HDAC9: variants seen among roughly 807,000 people sequenced by gnomAD.
HDAC9 encodes the protein MEF-2 interacting transcription repressor (MITR) protein.
In HDAC9, 41 loss-of-function variants were observed where a neutral mutation model predicts 139.4. The ratio of observed to expected loss-of-function variants is 0.29; its 90% confidence interval spans 0.23 to 0.38. The LOEUF (loss-of-function observed/expected upper bound fraction) is 0.38, where lower values mean the gene tolerates loss of function less well. Ranked by LOEUF, HDAC9 falls within the 10% of genes least tolerant of loss-of-function variation. The pLI, the probability that HDAC9 is intolerant of heterozygous loss-of-function variation, is 1.00. For missense variants in HDAC9, 1,147 were observed against 1,297.0 expected, an observed-to-expected ratio of 0.88 and a Z score of 1.78; for synonymous variants, 517 against 476.2, an observed-to-expected ratio of 1.09 and a Z score of -1.12.
chr7:18,409,383 G>A (rs774167295), intron 1 of HDAC9, among the ~76,000 whole-genome samples: 73 of 152,026 alleles, frequency 4.8e-4, no homozygotes, highest in Non-Finnish European at 4.9e-4. Context: ...AGCTGATTAA[G>A]GAATCTTTAT....
rs1435233030 is a variant in HDAC9, at chr7:18,727,581, C to A, written c.1733C>A (p.Pro578His). 2 of 1,591,798 alleles carry A rather than the reference C, an allele frequency of 1.3e-6. No homozygotes were observed. Among genetic ancestry groups the A allele is most frequent in the African/African-American group, 2.7e-5 (2 of 74,246 alleles). Residue 578 changes from proline (P) to histidine (H), a missense_variant and splice_region_variant, in exon 13 of 26, where the codon CCT becomes CAT. By Grantham distance (77) the Pro-to-His change is moderately conservative. Coordinates refer to ENST00000686413, the MANE Select transcript of HDAC9 (RefSeq NM_178425.4). ...ACTGTGCTCTTTTCTTGGCAACAGC[C>A]TTTCCTGGAACCCACGCACACACGT... ...SGEQAAFMQQ[P>H]FLEPTHTRAL...
chr7:18,390,343 G>C (rs1160433730), intron 1 of HDAC9, among the ~76,000 whole-genome samples: 1 of 152,072 alleles, frequency 6.6e-6, no homozygotes, highest in Non-Finnish European at 1.5e-5. Context: ...AGGTTTTTCA[G>C]AATTATGGCT....
At chr7:18,615,256 T>C in intron 6 of HDAC9, among the ~76,000 whole-genome samples, 1 of 152,192 alleles carries the variant, frequency 6.6e-6, no homozygotes, top group East Asian at 1.9e-4. Flanking sequence ...GTTTAAACTG[T>C]TCCCCCTCCT....
At position 18,700,100 on chromosome 7, in the gene HDAC9, G is replaced by C. The variant is rs1485731332; in HGVS notation, c.1732-27480G>C. Among the ~76,000 whole-genome samples, 5 of 152,040 alleles carry C rather than the reference G, an allele frequency of 3.3e-5. No individual in the cohort carries two copies. In the East Asian group the frequency reaches 9.6e-4, roughly 29 times the overall value. On this transcript the variant is annotated intron_variant, in intron 12 of 25. Transcript: ENST00000686413. ...TAGAGTAACAGGCACACTTGTCCTG[G>C]CATTGGAAGCTACAAGAAGAAAAAA...
At chr7:18,610,576 AC>A (rs1478743780) in intron 6 of HDAC9, among the ~76,000 whole-genome samples, 1 of 152,160 alleles carries the variant, frequency 6.6e-6, no homozygotes, top group Non-Finnish European at 1.5e-5. Context: ...CTCTCAAATA[AC>A]CTGGACTAAG....
chr7:18,169,474 T>C (rs1436788068), intron 2 of HDAC9, among the ~76,000 whole-genome samples: 1 of 152,088 alleles, frequency 6.6e-6, no homozygotes, highest in Admixed American at 6.5e-5. Context: ...TTTTTTTAAA[T>C]TATACTTTAA....
intron 2 of HDAC9, among the ~76,000 whole-genome samples, chr7:18,265,869 A>G (rs1226167721): frequency 1.3e-5 from 2 of 152,204 alleles, no homozygotes; most frequent in Non-Finnish European, 2.9e-5. Flanking sequence ...AATATTGCTC[A>G]AAGAGGAAGA....
At chr7:18,979,645 A>G (rs1283394189) in intron 25 of HDAC9, among the ~76,000 whole-genome samples, 1 of 152,226 alleles carries the variant, frequency 6.6e-6, no homozygotes, top group African/African-American at 2.4e-5. Flanking sequence ...CAGGACTTTC[A>G]GGAAGCAAGT....
At chr7:18,716,585 A>T (rs1172369495) in intron 12 of HDAC9, among the ~76,000 whole-genome samples, 1 of 151,986 alleles carries the variant, frequency 6.6e-6, no homozygotes, top group East Asian at 1.9e-4. Context: ...CCAAATTAGT[A>T]ATTTATTTTC....
chr7:18,978,855 A>C (rs1313763279), intron 25 of HDAC9, among the ~76,000 whole-genome samples: 1 of 152,182 alleles, frequency 6.6e-6, no homozygotes, highest in Non-Finnish European at 1.5e-5. Context: ...AAGATTTGGA[A>C]AGGCAATCAA....
intron 2 of HDAC9, among the ~76,000 whole-genome samples, chr7:18,248,697 G>A (rs1281528220): frequency 6.6e-6 from 1 of 152,128 alleles, no homozygotes; most frequent in African/African-American, 2.4e-5. Context: ...TAGAGGATTG[G>A]TCTGTAAAAG....
chr7:18,403,180 T>G (rs1562955118), intron 1 of HDAC9, among the ~76,000 whole-genome samples: 1 of 152,204 alleles, frequency 6.6e-6, no homozygotes, highest in African/African-American at 2.4e-5. Flanking sequence ...ATTTCCCAGT[T>G]AAGTGTATAA....
intron 2 of HDAC9, among the ~76,000 whole-genome samples, chr7:18,540,686 G>A (rs939960447): frequency 6.6e-6 from 1 of 152,178 alleles, no homozygotes; most frequent in African/African-American, 2.4e-5. Flanking sequence ...AGCCTTGGAT[G>A]TATAAAGAAT....
chr7:18,742,945 CTT>C (rs1350547780), intron 13 of HDAC9, among the ~76,000 whole-genome samples: 1 of 152,088 alleles, frequency 6.6e-6, no homozygotes, highest in Non-Finnish European at 1.5e-5. Flanking sequence ...GGACCAGTGT[CTT>C]TTGACTTTTG....
At chr7:18,386,920 C>A (rs946614684) in intron 1 of HDAC9, among the ~76,000 whole-genome samples, 7 of 152,166 alleles carry the variant, frequency 4.6e-5, no homozygotes, top group Admixed American at 1.3e-4. Context: ...GGATTCTCTC[C>A]CTTCAGCTCT....
At chr7:18,616,962 C>G (rs1333854306) in intron 6 of HDAC9, among the ~76,000 whole-genome samples, 1 of 152,176 alleles carries the variant, frequency 6.6e-6, no homozygotes, top group Non-Finnish European at 1.5e-5. Context: ...GTACGTGCAT[C>G]TCTTTATTAA....
intron 1 of HDAC9, among the ~76,000 whole-genome samples, chr7:18,453,367 T>C (rs1793059449): frequency 6.6e-6 from 1 of 152,208 alleles, no homozygotes; most frequent in South Asian, 2.1e-4. Flanking sequence ...ATCCATTTAG[T>C]TAAACAGATC....
chr7:18,847,368 A>G (rs1488595873), intron 21 of HDAC9, among the ~76,000 whole-genome samples: 1 of 151,684 alleles, frequency 6.6e-6, no homozygotes, highest in African/African-American at 2.4e-5. Flanking sequence ...TCTTTTTTTT[A>G]GAGAGAACGT....
At chr7:18,286,993 C>T (rs907998516), upstream of HDAC9, among the ~76,000 whole-genome samples, 2 of 152,096 alleles carry the variant, frequency 1.3e-5, no homozygotes, top group African/African-American at 4.8e-5. Context: ...GTAATGATTC[C>T]ATTACCAGGC....
Sources: allele counts gnomAD v4.1 joint callset (sites outside exome capture counted in the v4.1 genomes callset), GRCh38; gene constraint gnomAD v4.1.1; transcripts MANE v1.5; gene names NCBI Gene and HGNC (gene_info 2026-07-23, HGNC 2026-07-21).